Variants in EYS observed in about 807,000 individuals in gnomAD.
EYS encodes the protein EGF-like photoreceptor maintenance factor.
EYS carries 250 observed loss-of-function variants against 282.1 expected under a neutral mutation model. The observed-to-expected ratio is 0.89, with a 90% confidence interval of 0.80 to 0.98. EYS has a LOEUF of 0.98. Among genes scored for constraint, EYS ranks in the 50% least tolerant of loss-of-function variants. The probability of loss-of-function intolerance (pLI) is 0.00; values close to 1 mark genes in which losing one functional copy is unlikely to be tolerated. For synonymous variants in EYS, 1,355 were observed against 1,282.9 expected (o/e 1.06, Z -1.20); for missense variants, 4,016 against 3,709.0 (o/e 1.08, Z -2.15).
chr6:65,702,232 A>T (rs930880332), intron 1 of EYS, among the ~76,000 whole-genome samples: 1 of 152,200 alleles, frequency 6.6e-6, no homozygotes, highest in African/African-American at 2.4e-5. Flanking sequence ...TTTTATTTGT[A>T]ATTGCTGAAG....
intron 31 of EYS, among the ~76,000 whole-genome samples, chr6:64,091,107 A>ATTCAT (rs1772342888): frequency 6.6e-6 from 1 of 152,180 alleles, no homozygotes; most frequent in African/African-American, 2.4e-5. Flanking sequence ...CACTTTGAAC[A>ATTCAT]TTCATTAATT....
At chr6:65,685,406 TA>T (rs1297449089) in intron 1 of EYS, among the ~76,000 whole-genome samples, 1 of 152,092 alleles carries the variant, frequency 6.6e-6, no homozygotes, top group Non-Finnish European at 1.5e-5. Context: ...TTATATAAAC[TA>T]GACATTTTAA....
At chr6:65,054,047 T>C (rs976774263) in intron 13 of EYS, among the ~76,000 whole-genome samples, 4 of 151,990 alleles carry the variant, frequency 2.6e-5, no homozygotes, top group African/African-American at 9.7e-5. Flanking sequence ...TTGAGCTTTT[T>C]GCATAGAAAC....
chr6:65,016,870 C>T (rs1772073789), intron 13 of EYS, among the ~76,000 whole-genome samples: 1 of 152,150 alleles, frequency 6.6e-6, no homozygotes, highest in Non-Finnish European at 1.5e-5. Flanking sequence ...TTTTACTAAA[C>T]AGAAGATCTA....
At chr6:64,208,502 G>T (rs1765673186) in intron 31 of EYS, among the ~76,000 whole-genome samples, 1 of 151,868 alleles carries the variant, frequency 6.6e-6, no homozygotes, top group Non-Finnish European at 1.5e-5. Flanking sequence ...GTTAGCCACA[G>T]AAAAGAAACA....
intron 13 of EYS, among the ~76,000 whole-genome samples, chr6:65,035,052 T>C (rs958605502): frequency 2.6e-5 from 4 of 152,116 alleles, no homozygotes; most frequent in African/African-American, 9.7e-5. Context: ...GCATGGTTTG[T>C]TCAACATATG....
At chr6:64,624,235 G>A (rs1308588715) in intron 23 of EYS, among the ~76,000 whole-genome samples, 3 of 152,108 alleles carry the variant, frequency 2.0e-5, no homozygotes, top group Non-Finnish European at 4.4e-5. Flanking sequence ...GCTTACAAGT[G>A]AATCCAGAGT....
At chr6:65,472,498 G>C (rs1455230137) in intron 5 of EYS, among the ~76,000 whole-genome samples, 3 of 151,996 alleles carry the variant, frequency 2.0e-5, no homozygotes, top group Non-Finnish European at 2.9e-5. Context: ...AATTTGATGA[G>C]CTTTTGAATA....
intron 40 of EYS, among the ~76,000 whole-genome samples, chr6:63,768,629 G>T (rs1384140561): frequency 6.6e-6 from 1 of 152,062 alleles, no homozygotes; most frequent in Non-Finnish European, 1.5e-5. Context: ...TTGCTAGTGG[G>T]AATGTAAATT....
chr6:64,714,448 C>G (rs970061675), intron 22 of EYS, among the ~76,000 whole-genome samples: 4 of 151,748 alleles, frequency 2.6e-5, no homozygotes, highest in African/African-American at 9.7e-5. Context: ...AAATTTTCAT[C>G]TAGCAGTTGA....
intron 36 of EYS, among the ~76,000 whole-genome samples, chr6:63,847,896 G>A (rs1201108389): frequency 1.3e-5 from 2 of 152,174 alleles, no homozygotes. Context: ...TACTTAAAAT[G>A]TTGAAAAGCC....
intron 15 of EYS, 80 bp from the exon 16 acceptor site, chr6:64,912,823 A>G: frequency 1.2e-6 from 1 of 829,636 alleles, no homozygotes; most frequent in Non-Finnish European, 1.7e-6. Context: ...ACTCCCTTGA[A>G]CTAATAGTAT....
At chr6:65,489,067 G>A (rs1765923015) in intron 5 of EYS, among the ~76,000 whole-genome samples, 2 of 152,114 alleles carry the variant, frequency 1.3e-5, no homozygotes, top group Admixed American at 6.6e-5. Context: ...ATAGGCATGG[G>A]CAAAGACTTC....
intron 4 of EYS, chr6:65,491,638 G>C (rs1265041364): frequency 2.5e-6 from 1 of 403,876 alleles, no homozygotes; most frequent in African/African-American, 2.1e-5. Flanking sequence ...AAAAATCATT[G>C]TGTTTCAAAA....
intron 29 of EYS, among the ~76,000 whole-genome samples, chr6:64,373,348 T>C (rs1027981294): frequency 6.6e-5 from 10 of 152,192 alleles, no homozygotes; most frequent in Admixed American, 4.6e-4. Flanking sequence ...CTCTGATTAC[T>C]GTCTCCATGC....
At chr6:65,364,217 G>T (rs1191846862) in intron 8 of EYS, among the ~76,000 whole-genome samples, 2 of 146,600 alleles carry the variant, frequency 1.4e-5, no homozygotes, top group East Asian at 2.0e-4. Context: ...TTTTTCTCAG[G>T]CTTTGACTAA....
intron 22 of EYS, among the ~76,000 whole-genome samples, chr6:64,652,392 AG>A (rs1342290175): frequency 6.6e-6 from 1 of 152,202 alleles, no homozygotes; most frequent in Non-Finnish European, 1.5e-5. Context: ...ATTGTGAACA[AG>A]GGGGCAAGGA....
intron 30 of EYS, among the ~76,000 whole-genome samples, chr6:64,261,009 TC>T (rs869248460): frequency 1.3e-5 from 1 of 78,822 alleles, no homozygotes; most frequent in Non-Finnish European, 3.0e-5. Context: ...TCAGCACTTA[TC>T]ATTTTTTTGT....
chr6:64,761,360 AAAC>A (rs1230913900), intron 22 of EYS, among the ~76,000 whole-genome samples: 5 of 152,202 alleles, frequency 3.3e-5, no homozygotes, highest in African/African-American at 1.2e-4. Context: ...TACCATCTGT[AAAC>A]AATGGATAAG....
Sources: allele counts gnomAD v4.1 joint callset (sites outside exome capture counted in the v4.1 genomes callset), GRCh38; gene constraint gnomAD v4.1.1; transcripts MANE v1.5; gene names NCBI Gene and HGNC (gene_info 2026-07-23, HGNC 2026-07-21).